The following HIVEP3 variants were observed in gnomAD, a reference collection of about 807,000 sequenced individuals.
The protein encoded by HIVEP3 is HIVEP zinc finger 3, also known as transcription factor HIVEP3.
In HIVEP3, 49 loss-of-function variants were observed where a neutral mutation model predicts 152.8. The ratio of observed to expected loss-of-function variants is 0.32; its 90% CI spans 0.26 to 0.41. HIVEP3 has a LOEUF of 0.41. Among genes scored for constraint, HIVEP3 ranks in the 10% least tolerant of loss-of-function variants. The pLI is 1.00. For missense variants in HIVEP3, 2,790 were observed against 3,103.3 expected (o/e 0.90, Z 2.40); for synonymous variants, 1,269 against 1,289.0 (o/e 0.98, Z 0.33).
At position 41,648,101 on chromosome 1, in the gene HIVEP3, A is replaced by G. The variant is rs529122556; in HGVS notation, c.-720-19154T>C. On this transcript the variant is annotated intron_variant, in intron 2 of 8. Coordinates refer to ENST00000372583, the MANE Select transcript of HIVEP3 (RefSeq NM_024503.5). ...GGTTTTTTCCTTAGAACAAGATCTC[A>G]CCCACTGCAGGGGCTGAAACATTTG... Among the ~76,000 whole-genome samples the G allele has an allele frequency of 5.3e-5, 8 of 152,198 alleles. No homozygotes were observed. In the East Asian group the frequency reaches 1.5e-3, roughly 29 times the overall value.
At chr1:41,676,838 G>A (rs778644825) in intron 2 of HIVEP3, among the ~76,000 whole-genome samples, 18 of 152,170 alleles carry the variant, frequency 1.2e-4, no homozygotes, top group Non-Finnish European at 7.4e-5. Flanking sequence ...CCCAAGACGG[G>A]CCAATCACAG....
At position 41,738,310 on chromosome 1, in the gene HIVEP3, T is replaced by C. The variant is rs190158621; in HGVS notation, c.-800-37315A>G. ...CTGTCGCTGAACCAGTCCTCAGAAA[T>C]CAGTAAAGCCCTGGGTTTCTCAATC... is the stretch of plus-strand genomic sequence containing the variant. On this transcript the variant is annotated intron_variant, in intron 1 of 8. Coordinates refer to ENST00000372583, the MANE Select transcript of HIVEP3 (RefSeq NM_024503.5). 7.9e-4 allele frequency among the ~76,000 whole-genome samples: 120 copies of C among 152,150 alleles called. 1 individual carries two copies. The highest frequency in any genetic ancestry group is 2.7e-3 in the African/African-American group (112 of 41,516).
intron 5 of HIVEP3, among the ~76,000 whole-genome samples, chr1:41,548,473 C>T (rs1307514337): frequency 6.6e-6 from 1 of 152,154 alleles, no homozygotes; most frequent in African/African-American, 2.4e-5. Flanking sequence ...CTTTTTTAAG[C>T]AACTCTTTTT....
intron 2 of HIVEP3, among the ~76,000 whole-genome samples, chr1:41,638,604 G>T (rs528789411): frequency 1.4e-5 from 2 of 143,584 alleles, no homozygotes; most frequent in South Asian, 4.6e-4. Flanking sequence ...CTTCTTTTTA[G>T]AAAACAGTTG....
At chr1:41,920,112 C>T (rs964170866), upstream of HIVEP3, among the ~76,000 whole-genome samples, 2 of 152,208 alleles carry the variant, frequency 1.3e-5, no homozygotes, top group Admixed American at 1.3e-4. Context: ...CTCCCAGCGA[C>T]ACACACACAC....
intron 1 of HIVEP3, among the ~76,000 whole-genome samples, chr1:41,831,797 G>C (rs1462400943): frequency 6.6e-6 from 1 of 152,152 alleles, no homozygotes; most frequent in Non-Finnish European, 1.5e-5. Context: ...ACCTGGCCTG[G>C]AGCAAGCATT....
intron 1 of HIVEP3, among the ~76,000 whole-genome samples, chr1:41,794,639 A>T (rs1649884710): frequency 6.6e-6 from 1 of 152,208 alleles, no homozygotes; most frequent in Non-Finnish European, 1.5e-5. Flanking sequence ...TATTTTTAAA[A>T]ACTGCCATTT....
intron 2 of HIVEP3, among the ~76,000 whole-genome samples, chr1:41,629,943 A>G (rs934491231): frequency 1.3e-5 from 2 of 152,228 alleles, no homozygotes; most frequent in African/African-American, 4.8e-5. Flanking sequence ...CCAAAGGAAA[A>G]TAAGTTATTC....
At chr1:41,824,681 A>C (rs1183514093) in intron 1 of HIVEP3, among the ~76,000 whole-genome samples, 1 of 150,262 alleles carries the variant, frequency 6.7e-6, no homozygotes, top group Non-Finnish European at 1.5e-5. Flanking sequence ...ACATTAACTC[A>C]CATGAACAGG....
intron 3 of HIVEP3, among the ~76,000 whole-genome samples, chr1:41,614,439 C>G (rs904924324): frequency 1.3e-5 from 2 of 152,120 alleles, no homozygotes; most frequent in Non-Finnish European, 2.9e-5. Context: ...GCTTTGCCAC[C>G]CTTTCTGCCT....
intron 1 of HIVEP3, among the ~76,000 whole-genome samples, chr1:41,942,793 A>G (rs370094499): frequency 2.0e-5 from 3 of 152,202 alleles, no homozygotes; most frequent in East Asian, 3.8e-4. Flanking sequence ...ATCTCTATAT[A>G]TTGCTATGAA....
intron 3 of HIVEP3, among the ~76,000 whole-genome samples, chr1:41,605,162 AGAGGG>A (rs563875740): frequency 1.6e-4 from 8 of 50,792 alleles, no homozygotes; most frequent in Admixed American, 5.9e-4. Flanking sequence ...GGAGGGGTGG[AGAGGG>A]GAGGGGAGGG....
At position 41,928,983 on chromosome 1, in the gene HIVEP3, G is replaced by T. The variant is rs550696704; in HGVS notation, n.120-10459C>A. On this transcript the variant is annotated intron_variant and non_coding_transcript_variant, in intron 1 of 3. Transcript: ENST00000489103. ...CCTTGGTTAAGGTGGTATCTGCCAG[G>T]TTTCTCCAATATGAAATTACTATTT... 6.7e-4 allele frequency among the ~76,000 whole-genome samples: 102 copies of T among 152,234 alleles called. 1 individual carries two copies. The highest frequency in any genetic ancestry group is 1.5e-4 in the Non-Finnish European group (10 of 68,016).
At chr1:42,020,527 C>T (rs1298434687) in intron 1 of HIVEP3, among the ~76,000 whole-genome samples, 2 of 152,136 alleles carry the variant, frequency 1.3e-5, no homozygotes, top group African/African-American at 4.8e-5. Flanking sequence ...ATTAAGCATA[C>T]ATCTTCTCCT....
Position 41,509,227 on chromosome 1 carries a change from A to G in HIVEP3, c.*1224T>C, listed in dbSNP as rs958805757. ...TCAAACACCATCCTCTCTCTTTTTA[A>G]AAAAGAGGTGTAAGACAGCAAACAG... On this transcript the variant is annotated 3_prime_UTR_variant, in exon 9 of 9. Transcript: ENST00000372583. The G allele has an allele frequency of 6.6e-6, 1 of 152,140 alleles. No homozygotes were observed. Among genetic ancestry groups the G allele is most frequent in the Admixed American group, 6.5e-5 (1 of 15,284 alleles). The allele number at this position is 152,140 out of a possible 1,614,324, so 9.4% of individuals were successfully genotyped here.
chr1:41,792,999 T>G (rs1649786852), intron 1 of HIVEP3, among the ~76,000 whole-genome samples: 1 of 152,186 alleles, frequency 6.6e-6, no homozygotes, highest in Non-Finnish European at 1.5e-5. Flanking sequence ...CCAATGTGAA[T>G]GGCCACCATA....
In HIVEP3 at chr1:41,581,925, T is replaced by G. The variant is rs759901421; in HGVS notation, c.2873A>C (p.Glu958Ala). 3 of 1,614,018 alleles carry G rather than the reference T, an allele frequency of 1.9e-6. No individual in the cohort carries two copies. In the African/African-American group the frequency reaches 4.0e-5, roughly 22 times the overall value. ...SFERDDHGKA[E>A]APSPSSDMRP... Reference sequence around the variant, plus strand: ...CATGTCAGATGAGGGACTGGGGGCCTCGGCTTTCCCATGGTCATCCCTCTC... The same window carrying G: ...CATGTCAGATGAGGGACTGGGGGCCGCGGCTTTCCCATGGTCATCCCTCTC... Residue 958 changes from glutamate (E) to alanine (A), a missense_variant, in exon 4 of 9, where the codon GAG becomes GCG. By Grantham distance (107) the Glu-to-Ala change is moderately radical (BLOSUM62 -1). This residue lies in a region of HIVEP3 where 1,078 missense variants were observed against 1,165.3 expected (regional missense o/e 0.93). Coordinates refer to ENST00000372583, the MANE Select transcript of HIVEP3 (RefSeq NM_024503.5). This position sits in a 1 kb window ranked among gnomAD's most constrained non-coding sequence, Gnocchi z 4.5.
At chr1:41,933,119 G>A (rs776291259) in intron 1 of HIVEP3, among the ~76,000 whole-genome samples, 39 of 151,948 alleles carry the variant, frequency 2.6e-4, no homozygotes, top group Admixed American at 2.4e-3. Flanking sequence ...AATGTTTCAT[G>A]TGCACTTTAG....
At chr1:41,694,014 A>AT (rs553914026) in intron 2 of HIVEP3, among the ~76,000 whole-genome samples, 1 of 151,778 alleles carries the variant, frequency 6.6e-6, no homozygotes, top group Non-Finnish European at 1.5e-5. Flanking sequence ...ACCAACACTG[A>AT]TTTTTTTTCT....
Sources: gnomAD v4.1 joint callset for allele counts (sites outside exome capture counted in the v4.1 genomes callset) on GRCh38, gnomAD v4.1.1 for gene constraint, gnomAD v4.1.1 regional missense constraint, Gnocchi (gnomAD v3.1) non-coding constraint, MANE v1.5 for transcripts, NCBI Gene and HGNC (gene_info 2026-07-23, HGNC 2026-07-21) for gene names.